CUL4A: variants seen among roughly 807,000 people sequenced by gnomAD.
CUL4A encodes the protein cullin-4A.
CUL4A carries 16 observed loss-of-function variants against 95.5 expected under a neutral mutation model. The ratio of observed to expected loss-of-function variants is 0.17; its 90% CI spans 0.11 to 0.25. The LOEUF is 0.25. CUL4A is among the 10% of genes least tolerant of loss of function. The pLI, the probability that CUL4A is intolerant of heterozygous loss-of-function variation, is 1.00. For missense variants in CUL4A, 610 were observed against 937.0 expected, an observed-to-expected ratio of 0.65 and a Z score of 4.56; for synonymous variants, 380 against 353.1, an observed-to-expected ratio of 1.08 and a Z score of -0.85.
At chr13:113,244,356 G>A in intron 11 of CUL4A, 54 bp from the exon 12 acceptor site, 1 of 1,292,382 alleles carries the variant, frequency 7.7e-7, no homozygotes, top group South Asian at 1.3e-5. Flanking sequence ...AATAGAAATT[G>A]AAGATGCTCT....
At chr13:113,227,886 C>A (rs111940842) in intron 3 of CUL4A, 90 bp from the exon 4 acceptor site, 1 of 745,926 alleles carries the variant, frequency 1.3e-6, no homozygotes, top group Non-Finnish European at 2.2e-6. Flanking sequence ...CCAGCCTGGG[C>A]GACAGAGCGA....
intron 16 of CUL4A, 123 bp from the exon 17 acceptor site, chr13:113,254,570 G>A: frequency 3.2e-6 from 2 of 618,382 alleles, no homozygotes; most frequent in Non-Finnish European, 5.6e-6. Context: ...ACTCCAGCCT[G>A]GGTGACAGAG....
chr13:113,256,926 GTTTT>G (rs951070829), intron 18 of CUL4A, among the ~76,000 whole-genome samples: 1 of 47,374 alleles, frequency 2.1e-5, no homozygotes, highest in Non-Finnish European at 3.6e-5. Context: ...TTTTTTTTTC[GTTTT>G]TTTTTTTTTT....
Position 113,209,622 on chromosome 13 carries a change from C to T in CUL4A, c.-6C>T, listed in dbSNP as rs1224149506. 3.8e-6 allele frequency: 4 copies of T among 1,060,306 alleles called. No homozygotes were observed. The highest frequency in any genetic ancestry group is 4.5e-6 in the Non-Finnish European group (4 of 880,564). The allele number at this position is 1,060,306 out of a possible 1,614,324, so 65.7% of individuals were successfully genotyped here. On this transcript the variant is annotated 5_prime_UTR_variant, in exon 1 of 20. Coordinates refer to ENST00000375440, the MANE Select transcript of CUL4A (RefSeq NM_001008895.4). ...CGGGGCGGGGCGCGGCGGTTCCGGC[C>T]CAGCCATGGCGGACGAGGCCCCGCG...
chr13:113,260,314 G>A (rs2042242991), intron 18 of CUL4A, among the ~76,000 whole-genome samples: 1 of 151,402 alleles, frequency 6.6e-6, no homozygotes, highest in Admixed American at 6.6e-5. Context: ...ACTTTGGGAG[G>A]CCAAGGTGGG....
chr13:113,243,334 G>A (rs3764125), intron 11 of CUL4A, among the ~76,000 whole-genome samples, 174 bp downstream of exon 11: 30,121 of 152,014 alleles, frequency 0.2, 3,778 homozygotes, highest in South Asian at 0.42. Flanking sequence ...TTTAAAAACC[G>A]ACACACCTGC....
Position 113,249,014 on chromosome 13 carries a change from C to T in CUL4A, c.1638+2951C>T, listed in dbSNP as rs142972390. Reference sequence around the variant, plus strand: ...AGTGTTACAGAGCTGTCACCCCTGTCGATTCCAGAATTTTTCCATCATTCC... The same window carrying T: ...AGTGTTACAGAGCTGTCACCCCTGTTGATTCCAGAATTTTTCCATCATTCC... On this transcript the variant is annotated intron_variant, in intron 15 of 19. Transcript: ENST00000375440. 5.3e-3 allele frequency among the ~76,000 whole-genome samples: 809 copies of T among 152,220 alleles called. 3 individuals carry two copies. Among genetic ancestry groups the T allele is most frequent in the Middle Eastern group, 0.024 (7 of 294 alleles).
chr13:113,254,798 G>A lies in CUL4A; in HGVS notation c.1858G>A (p.Glu620Lys), dbSNP rs747840424. 9 of 1,612,192 alleles carry A rather than the reference G, an allele frequency of 5.6e-6. No individual in the cohort carries two copies. The highest frequency in any genetic ancestry group is 7.6e-6 in the Non-Finnish European group (9 of 1,178,898). The part of the protein sequence containing the change: ...FEEIKMATGI[E>K]DSELRRTLQS... Reference sequence around the variant, plus strand: ...GGAGATAAAAATGGCCACGGGGATAGGTACGAAAACTGCAGAGTGCATAGC... The same window carrying A: ...GGAGATAAAAATGGCCACGGGGATAAGTACGAAAACTGCAGAGTGCATAGC... Residue 620 changes from glutamate to lysine, a missense_variant and splice_region_variant, in exon 17 of 20, where the codon GAG (glutamate) becomes AAG (lysine). Physicochemically the swap from Glu to Lys is moderately conservative, Grantham distance 56. This residue lies in a region of CUL4A where 72 missense variants were observed against 93.2 expected (regional missense o/e 0.77). Transcript: ENST00000375440.
intron 2 of CUL4A, among the ~76,000 whole-genome samples, chr13:113,212,641 C>T (rs1042359014): frequency 6.6e-6 from 1 of 152,028 alleles, no homozygotes; most frequent in South Asian, 2.1e-4. Flanking sequence ...AAAAATTAGC[C>T]GGGCGTGGTG....
At chr13:113,219,615 T>C (rs760348151) in intron 3 of CUL4A, 3 of 153,042 alleles carry the variant, frequency 2.0e-5, no homozygotes, top group Admixed American at 6.5e-5. Context: ...CAGCTCCACA[T>C]GCACAGGTCC....
At chr13:113,209,936 C>A (rs1044866933) in intron 1 of CUL4A, 37 bp from the exon 2 acceptor site, 3 of 1,428,370 alleles carry the variant, frequency 2.1e-6, no homozygotes, top group Non-Finnish European at 2.8e-6. Context: ...CGCTTCGCGG[C>A]GCGCCCTGAG....
At chr13:113,224,876 T>C (rs961393633) in intron 3 of CUL4A, among the ~76,000 whole-genome samples, 2 of 152,228 alleles carry the variant, frequency 1.3e-5, no homozygotes, top group Non-Finnish European at 1.5e-5. Context: ...TGTGGATGAA[T>C]GAGGGTCGGC....
chr13:113,215,180 C>T (rs189143099), intron 2 of CUL4A, among the ~76,000 whole-genome samples: 10 of 142,036 alleles, frequency 7.0e-5, no homozygotes, highest in East Asian at 6.6e-4. Flanking sequence ...AGGTCTCTCT[C>T]GTCCGTGTGG....
chr13:113,259,385 T>C (rs541251131), intron 18 of CUL4A, among the ~76,000 whole-genome samples: 2 of 152,250 alleles, frequency 1.3e-5, no homozygotes, highest in Admixed American at 6.5e-5. Context: ...TTGCCTCATA[T>C]GTATGCACAG....
At chr13:113,258,592 G>C (rs967562720) in intron 18 of CUL4A, among the ~76,000 whole-genome samples, 1 of 152,118 alleles carries the variant, frequency 6.6e-6, no homozygotes, top group Admixed American at 6.5e-5. Flanking sequence ...GAGCATCTGT[G>C]GTGGCCCAGG....
chr13:113,208,230 G>T, upstream of CUL4A: 8 of 1,494,028 alleles, frequency 5.4e-6, no homozygotes, highest in Non-Finnish European at 7.1e-6. Context: ...GCGTCCATCC[G>T]ACACAGCACC....
At chr13:113,220,031 G>C (rs2040840374) in intron 3 of CUL4A, among the ~76,000 whole-genome samples, 1 of 152,170 alleles carries the variant, frequency 6.6e-6, no homozygotes, top group Admixed American at 6.5e-5. Context: ...ACTTTTCTAG[G>C]CCTCCGTTTC....
chr13:113,240,889 C>T lies in CUL4A; in HGVS notation c.1035+1338C>T, dbSNP rs187229648. Among the ~76,000 whole-genome samples the T allele has an allele frequency of 1.7e-3, 253 of 152,246 alleles. 1 individual carries two copies. The Middle Eastern group carries it at 0.017, about 10-fold the overall frequency. ...CAGCTGAGACACTGTTGTGTAGTTTCGCAAACCGTTGCCATTGGAGGAAAC... is the reference window on the plus strand; with the variant it reads ...CAGCTGAGACACTGTTGTGTAGTTTTGCAAACCGTTGCCATTGGAGGAAAC... On this transcript the variant is annotated intron_variant, in intron 10 of 19. Transcript: ENST00000375440.
intron 4 of CUL4A, among the ~76,000 whole-genome samples, chr13:113,229,123 C>G (rs2139164620): frequency 6.6e-6 from 1 of 151,434 alleles, no homozygotes. Context: ...CGTCTCAAGA[C>G]AAAAAAAAGA....
Sources: gnomAD v4.1 joint callset for allele counts (sites outside exome capture counted in the v4.1 genomes callset) on GRCh38, gnomAD v4.1.1 for gene constraint, gnomAD v4.1.1 regional missense constraint, MANE v1.5 for transcripts, NCBI Gene and HGNC (gene_info 2026-07-23, HGNC 2026-07-21) for gene names.